BAHD1: variants seen among roughly 807,000 people sequenced by gnomAD.
BAHD1 encodes the protein bromo adjacent homology domain containing 1.
In BAHD1, 20 loss-of-function variants were observed where a neutral mutation model predicts 63.1. That is an observed-to-expected ratio of 0.32 (90% CI 0.22 to 0.46). The LOEUF is 0.46. Among genes scored for constraint, BAHD1 ranks in the 20% least tolerant of loss-of-function variants. The probability of loss-of-function intolerance (pLI) is 1.00; values close to 1 mark genes in which losing one functional copy is unlikely to be tolerated. For synonymous variants in BAHD1, 408 were observed against 426.8 expected, an observed-to-expected ratio of 0.96 and a Z score of 0.54; for missense variants, 939 against 1,071.8, an observed-to-expected ratio of 0.88 and a Z score of 1.73.
intron 1 of BAHD1, among the ~76,000 whole-genome samples, chr15:40,455,147 C>T (rs1465479181): frequency 6.6e-6 from 1 of 152,208 alleles, no homozygotes; most frequent in East Asian, 1.9e-4. Flanking sequence ...TATTTTGCGA[C>T]GTGCTTTTGA....
rs775323463 is a variant in BAHD1 at position 40,458,693 on chromosome 15, C to T, written c.229C>T (p.Leu77=). The T allele has an allele frequency of 6.2e-7, 1 of 1,613,872 alleles. No individual in the cohort carries two copies. Among genetic ancestry groups the T allele is most frequent in the Non-Finnish European group, 8.5e-7 (1 of 1,180,018 alleles). Residue 77 remains leucine (L), a synonymous_variant, in exon 2 of 7, where the codon CTG becomes TTG. Coordinates refer to ENST00000416165, the MANE Select transcript of BAHD1 (RefSeq NM_014952.5). This position sits in a 1 kb window ranked among gnomAD's most constrained non-coding sequence, Gnocchi z 4.7. ...PKACKVLLTR[L]ENVAGPRSAD... ...GGCCTGCAAAGTGCTGCTGACTCGC[C>T]TGGAGAATGTGGCCGGTCCCCGGAG...
At chr15:40,441,951 G>C (rs556777631) in intron 1 of BAHD1, among the ~76,000 whole-genome samples, 1 of 152,070 alleles carries the variant, frequency 6.6e-6, no homozygotes, top group African/African-American at 2.4e-5. Flanking sequence ...AAGACGGAAG[G>C]GGACCGGTTC....
chr15:40,458,763 C>G lies in BAHD1; in HGVS notation c.299C>G (p.Pro100Arg), dbSNP rs201390167. ...CTACCGCCTGACCTGCCCAAGCCCC[C>G]CAGCCCGGCCCCATCCAGTGAAGAC... The part of the protein sequence containing the change: ...DELPPDLPKP[P>R]SPAPSSEDPG... Residue 100 changes from proline to arginine, a missense_variant, in exon 2 of 7, where the codon CCC becomes CGC. Pro to Arg is a moderately radical substitution (Grantham distance 103). Transcript: ENST00000416165. The surrounding 1 kb of genome is among the most constrained non-coding windows in gnomAD (Gnocchi z 4.7). 13 of 1,613,300 alleles carry G rather than the reference C, an allele frequency of 8.1e-6. No homozygotes were observed. The Admixed American group carries it at 2.2e-4, about 27-fold the overall frequency.
intron 3 of BAHD1, 109 bp from the exon 4 acceptor site, chr15:40,463,752 G>T: frequency 8.0e-7 from 1 of 1,249,696 alleles, no homozygotes. Context: ...AACCAAGGTA[G>T]TGGTTTGACT....
At chr15:40,441,354 G>C (rs1893395363) in intron 1 of BAHD1, 86 bp downstream of exon 1, 1 of 150,572 alleles carries the variant, frequency 6.6e-6, no homozygotes, top group African/African-American at 2.4e-5. Context: ...CGAAGGGGGA[G>C]AGCACCGGCC....
intron 2 of BAHD1, among the ~76,000 whole-genome samples, 180 bp from the exon 3 acceptor site, chr15:40,461,732 C>G (rs1894047455): frequency 6.6e-6 from 1 of 152,130 alleles, no homozygotes; most frequent in Non-Finnish European, 1.5e-5. Flanking sequence ...GATCAGGAAA[C>G]ACCCCTGTCC....
rs772913163 is a variant in BAHD1, at chr15:40,459,429, C to T, written c.965C>T (p.Ala322Val). 3.7e-6 allele frequency: 6 copies of T among 1,613,220 alleles called. No individual in the cohort carries two copies. Among genetic ancestry groups the T allele is most frequent in the African/African-American group, 1.3e-5 (1 of 75,070 alleles). Residue 322 changes from alanine to valine, a missense_variant, in exon 2 of 7, where the codon GCG (alanine) becomes GTG (valine). By Grantham distance (64) the Ala-to-Val change is moderately conservative (BLOSUM62 0). This residue lies in a region of BAHD1 where 797 missense variants were observed against 813.3 expected (regional missense o/e 0.98). Coordinates refer to ENST00000416165, the MANE Select transcript of BAHD1 (RefSeq NM_014952.5). ...CTGCCCCTGCTGATGGGTGGACAGG[C>T]GGCTCTGAAGCCGGAGCCTGGGCGC... ...PHLPLLMGGQ[A>V]ALKPEPGRPG...
chr15:40,447,560 G>GAATAAATA lies in BAHD1; in HGVS notation c.-15+6339_-15+6346dup, dbSNP rs145969802. On this transcript the variant is annotated intron_variant, in intron 1 of 6. Transcript: ENST00000416165. Reference sequence around the variant, plus strand: ...GCGACAGAGCAAGACTCTGTCTCCAGAATAAATAAATAAATAAATAAATAA... The same window carrying GAATAAATA: ...GCGACAGAGCAAGACTCTGTCTCCAGAATAAATAAATAAATAAATAAATAAATAAATAA... Among the ~76,000 whole-genome samples the GAATAAATA allele has an allele frequency of 1.2e-3, 168 of 138,834 alleles. 2 individuals carry two copies. The highest frequency in any genetic ancestry group is 3.5e-3 in the Middle Eastern group (1 of 284). 91.1% of individuals were successfully genotyped at this position (138,834 alleles called of 152,430 possible).
intron 1 of BAHD1, among the ~76,000 whole-genome samples, chr15:40,445,658 C>G (rs905371833): frequency 6.6e-6 from 1 of 152,154 alleles, no homozygotes; most frequent in Non-Finnish European, 1.5e-5. Context: ...GAGCATTATA[C>G]GAACAGCCCC....
intron 3 of BAHD1, 27 bp downstream of exon 3, chr15:40,462,321 G>A (rs777397122): frequency 7.7e-6 from 12 of 1,568,242 alleles, no homozygotes; most frequent in South Asian, 3.5e-5. Flanking sequence ...AGCTGATGAC[G>A]AGAGGGAGGG....
At chr15:40,444,053 G>A (rs896851300) in intron 1 of BAHD1, among the ~76,000 whole-genome samples, 1 of 152,166 alleles carries the variant, frequency 6.6e-6, no homozygotes, top group African/African-American at 2.4e-5. Context: ...ATCCTCTTGA[G>A]TGGTTTTGTA....
upstream of BAHD1, among the ~76,000 whole-genome samples, chr15:40,438,508 A>G (rs1226989473): frequency 1.3e-5 from 2 of 151,928 alleles, no homozygotes; most frequent in African/African-American, 4.8e-5. Context: ...CTCCTGGGGC[A>G]GCGGACACCG....
chr15:40,449,333 C>T (rs959800142), intron 1 of BAHD1, among the ~76,000 whole-genome samples: 1 of 152,202 alleles, frequency 6.6e-6, no homozygotes, highest in African/African-American at 2.4e-5. Flanking sequence ...CTTAGGGTGT[C>T]TGGGGACTGA....
Position 40,458,701 on chromosome 15 carries a change from T to C in BAHD1, c.237T>C (p.Asn79=), listed in dbSNP as rs985985022. 1.2e-6 allele frequency: 2 copies of C among 1,613,846 alleles called. No homozygotes were observed. Among genetic ancestry groups the C allele is most frequent in the Admixed American group, 3.3e-5 (2 of 60,016 alleles). Residue 79 remains asparagine (N), a synonymous_variant, in exon 2 of 7, where the codon AAT becomes AAC. Transcript: ENST00000416165. This position sits in a 1 kb window ranked among gnomAD's most constrained non-coding sequence, Gnocchi z 4.7. ...ACKVLLTRLE[N]VAGPRSADEA... ...AAGTGCTGCTGACTCGCCTGGAGAA[T>C]GTGGCCGGTCCCCGGAGTGCAGATG...
intron 1 of BAHD1, among the ~76,000 whole-genome samples, chr15:40,456,430 C>G (rs1432947425): frequency 6.6e-6 from 1 of 152,250 alleles, no homozygotes; most frequent in Non-Finnish European, 1.5e-5. Context: ...GTGACTCTGT[C>G]TTGCCCGGGG....
At chr15:40,465,183 A>G in intron 5 of BAHD1, 152 bp from the exon 6 acceptor site, 1 of 651,310 alleles carries the variant, frequency 1.5e-6, no homozygotes, top group Non-Finnish European at 2.7e-6. Flanking sequence ...GCCTGGAGGC[A>G]GTAGGTGAGG....
rs1595859805 is a variant in BAHD1, at chr15:40,459,510, C to T, written c.1046C>T (p.Thr349Ile). 1 of 1,614,130 alleles carries T rather than the reference C, an allele frequency of 6.2e-7. No homozygotes were observed. Among genetic ancestry groups the T allele is most frequent in the East Asian group, 2.2e-5 (1 of 44,884 alleles). The change falls in exon 2 of 7, where the codon ACA becomes ATA. Residue 349 changes from threonine to isoleucine, a missense_variant. Around this residue, in one of 5 missense-constraint regions of BAHD1, gnomAD observed 797 missense variants for 813.3 expected, o/e 0.98. Transcript: ENST00000416165. ...GAACTGCATCAGCCCTCTTTCCCCA[C>T]ACCTCAGCTGTCGCCGCTGCCGATG... ...KQELHQPSFP[T>I]PQLSPLPMPG... is the part of the protein sequence containing the mutation.
chr15:40,440,217 G>A (rs1893360676), upstream of BAHD1, among the ~76,000 whole-genome samples: 2 of 152,144 alleles, frequency 1.3e-5, no homozygotes, highest in African/African-American at 2.4e-5. Context: ...GGTAGGTGAA[G>A]GGCAGAAAGA....
intron 5 of BAHD1, 97 bp from the exon 6 acceptor site, chr15:40,465,238 A>G: frequency 9.5e-7 from 1 of 1,050,460 alleles, no homozygotes. Flanking sequence ...GAGTCATCTC[A>G]GGTCAGCAGG....
Sources: allele counts gnomAD v4.1 joint callset (sites outside exome capture counted in the v4.1 genomes callset), GRCh38; gene constraint gnomAD v4.1.1; regional missense constraint gnomAD v4.1.1; non-coding constraint Gnocchi (gnomAD v3.1); transcripts MANE v1.5; gene names NCBI Gene and HGNC (gene_info 2026-07-23, HGNC 2026-07-21).